Variants in LZTR1 observed in about 807,000 individuals in gnomAD.
LZTR1 encodes leucine-zipper-like transcriptional regulator 1.
Under a neutral mutation model 105.7 loss-of-function variants are expected in LZTR1, and 260 were observed. The observed-to-expected ratio is 2.46, with a 90% confidence interval of 2.22 to 2.72. The LOEUF is 2.72. Among genes scored for constraint, LZTR1 ranks in the 30% most tolerant of loss-of-function variants. The pLI, the probability that LZTR1 is intolerant of heterozygous loss-of-function variation, is 0.00. For missense variants in LZTR1, 1,214 were observed against 1,166.9 expected (o/e 1.04, Z -0.59); for synonymous variants, 490 against 476.4 (o/e 1.03, Z -0.37).
intron 16 of LZTR1, 26 bp downstream of exon 16, chr22:20,995,052 G>C (rs780808652): frequency 1.3e-6 from 2 of 1,590,888 alleles, no homozygotes; most frequent in South Asian, 1.1e-5. Context: ...CCCCTTCCCT[G>C]GGGGCTGGGA....
At chr22:20,993,200 A>G in intron 11 of LZTR1, 1 of 451,818 alleles carries the variant, frequency 2.2e-6, no homozygotes, top group Non-Finnish European at 4.0e-6. Flanking sequence ...AGCCTGGCCC[A>G]GGGCAGAGCC....
intron 20 of LZTR1, 39 bp from the exon 21 acceptor site, chr22:20,997,193 G>C (rs1601724051): frequency 2.9e-6 from 4 of 1,396,794 alleles, no homozygotes; most frequent in Non-Finnish European, 4.1e-6. Flanking sequence ...CCCTTAGGTG[G>C]ATCTGGTCCC....
intron 16 of LZTR1, 200 bp downstream of exon 16, chr22:20,995,226 C>A: frequency 1.4e-6 from 1 of 710,898 alleles, no homozygotes; most frequent in Non-Finnish European, 2.5e-6. Flanking sequence ...CCACAGTGGG[C>A]TGTGTCCTGG....
rs558703769 is a variant in LZTR1 at position 20,988,483 on chromosome 22, A to G, written c.510-306A>G. 4.5e-4 allele frequency among the ~76,000 whole-genome samples: 68 copies of G among 152,344 alleles called. 2 individuals carry two copies. The highest frequency in any genetic ancestry group is 2.1e-3 in the South Asian group (10 of 4,830). On this transcript the variant is annotated intron_variant, in intron 5 of 20. Coordinates refer to ENST00000646124, the MANE Select transcript of LZTR1 (RefSeq NM_006767.4). ...AGACCTTGTCACAAAAAAATGTTCA[A>G]TAAGATCCAATGTACTGCTGATGGC... is the stretch of plus-strand genomic sequence containing the variant.
At position 20,994,563 on chromosome 22, in the gene LZTR1, G is replaced by A. The variant is rs1009167232; in HGVS notation, c.1621G>A (p.Val541Met). The A allele has an allele frequency of 1.9e-6, 3 of 1,609,708 alleles. No individual in the cohort carries two copies. The highest frequency in any genetic ancestry group is 2.2e-5 in the East Asian group (1 of 44,882). Residue 541 changes from valine (V) to methionine (M), a missense_variant, in exon 15 of 21, where the codon GTG (valine) becomes ATG (methionine). Transcript: ENST00000646124. The part of the protein sequence containing the change: ...DKIKYPRKGH[V>M]EDVLLIMDVY... The stretch of plus-strand genomic sequence containing the variant: ...TCGGGGGCTCTGGGGCGCAGGCCAT[G>A]TGGAGGATGTGCTGCTCATCATGGA...
At chr22:20,991,509 C>T (rs1924603272) in intron 8 of LZTR1, 119 bp from the exon 9 acceptor site, 4 of 789,106 alleles carry the variant, frequency 5.1e-6, no homozygotes, top group African/African-American at 1.7e-5. Flanking sequence ...CCTCTGGACC[C>T]TGGGCTAGTC....
chr22:20,993,576 G>C (rs572964346), intron 11 of LZTR1, 86 bp from the exon 12 acceptor site: 2 of 1,146,438 alleles, frequency 1.7e-6, no homozygotes, highest in South Asian at 2.6e-5. Context: ...CATGGGCCAG[G>C]TGGGGACCTC....
In LZTR1 at chr22:20,988,107, A is replaced by T; in HGVS notation, c.498A>T (p.Lys166Asn). ...KFATGQWTEW[K>N]IEGRLPVARS... ...CAACTGGCCAGTGGACGGAGTGGAA[A>T]ATTGAAGGACGGTGAGAAACTTTGC... is the stretch of plus-strand genomic sequence containing the variant. The change falls in exon 5 of 21, where the codon AAA becomes AAT. Residue 166 changes from lysine to asparagine, a missense_variant. By Grantham distance (94) the Lys-to-Asn change is moderately conservative. Coordinates refer to ENST00000646124, the MANE Select transcript of LZTR1 (RefSeq NM_006767.4). 1 of 1,608,116 alleles carries T rather than the reference A, an allele frequency of 6.2e-7. No individual in the cohort carries two copies. Among genetic ancestry groups the T allele is most frequent in the East Asian group, 2.2e-5 (1 of 44,866 alleles).
rs752239353 is a variant in LZTR1 at position 20,997,296 on chromosome 22, T to C, written c.2471T>C (p.Leu824Pro). 3.1e-6 allele frequency: 5 copies of C among 1,613,702 alleles called. No homozygotes were observed. Among genetic ancestry groups the C allele is most frequent in the South Asian group, 2.2e-5 (2 of 91,086 alleles). ...CTGCTGCTGGACATCATAGACTCCC[T>C]GGCCTCCCACATCTCAGACAAGCAG... ...QQLLLDIIDS[L>P]ASHISDKQCA... The change falls in exon 21 of 21, where the codon CTG (leucine) becomes CCG (proline). Residue 824 changes from leucine (L) to proline (P), a missense_variant. By Grantham distance (98) the Leu-to-Pro change is moderately conservative. Transcript: ENST00000646124.
In LZTR1 at chr22:20,989,536, C is replaced by G. The variant is rs7511138; in HGVS notation, c.594-89C>G. On this transcript the variant is annotated intron_variant, in intron 6 of 20. Coordinates refer to ENST00000646124, the MANE Select transcript of LZTR1 (RefSeq NM_006767.4). ...TCTCCTACCCTGTGTGGGGGTGGGG[C>G]TCCTCCCTGCAGCCATCCCTTCCAG... 59 of 1,051,830 alleles carry G rather than the reference C, an allele frequency of 5.6e-5. No individual in the cohort carries two copies. In the African/African-American group the frequency reaches 7.0e-4, roughly 12 times the overall value. 65.2% of individuals were successfully genotyped at this position (1,051,830 alleles called of 1,614,324 possible).
At chr22:20,984,597 C>A (rs982493045) in intron 2 of LZTR1, among the ~76,000 whole-genome samples, 4 of 40,080 alleles carry the variant, frequency 1.0e-4, no homozygotes, top group African/African-American at 3.2e-4. Flanking sequence ...TCCTGCGGCA[C>A]GTGGGGCAAG....
chr22:20,993,512 G>T, intron 11 of LZTR1, 150 bp from the exon 12 acceptor site: 1 of 629,872 alleles, frequency 1.6e-6, no homozygotes, highest in South Asian at 1.8e-5. Context: ...GTGGGGTAGC[G>T]GCTGCTTCCT....
At chr22:20,994,833 T>G (rs1232087134) in intron 15 of LZTR1, 37 bp from the exon 16 acceptor site, 1 of 1,611,620 alleles carries the variant, frequency 6.2e-7, no homozygotes, top group African/African-American at 1.3e-5. Context: ...GGGCCCTGGC[T>G]TGACTCTGCC....
rs1924967698 is a variant in LZTR1, at chr22:20,998,538, C to T, written c.*1190C>T. On this transcript the variant is annotated 3_prime_UTR_variant, in exon 21 of 21. Transcript: ENST00000646124. The stretch of plus-strand genomic sequence containing the variant: ...CACAGCTCCTTGGGGAAGTGACCTG[C>T]TCTCCTTTGGGTGTATGCAGGTGTG... 6.6e-6 allele frequency: 1 copy of T among 152,316 alleles called. No homozygotes were observed. The highest frequency in any genetic ancestry group is 2.1e-4 in the South Asian group (1 of 4,836). 9.4% of individuals were successfully genotyped at this position (152,316 alleles called of 1,614,324 possible).
intron 3 of LZTR1, 51 bp from the exon 4 acceptor site, chr22:20,987,453 G>A: frequency 9.7e-7 from 1 of 1,035,136 alleles, no homozygotes; most frequent in Middle Eastern, 2.0e-4. Flanking sequence ...TGGGGGTGTG[G>A]ACCTCATGGG....
Position 20,989,619 on chromosome 22 carries a change from A to C in LZTR1, c.594-6A>C. On this transcript the variant is annotated splice_region_variant and splice_polypyrimidine_tract_variant and intron_variant, in intron 6 of 20. Transcript: ENST00000646124. ...AAGGGGTCCTCACTGGTCTGTCCTA[A>C]TACAGGTTGAATGACATGTGGACAA... 1 of 1,613,444 alleles carries C rather than the reference A, an allele frequency of 6.2e-7. No homozygotes were observed. Among genetic ancestry groups the C allele is most frequent in the Non-Finnish European group, 8.5e-7 (1 of 1,179,658 alleles).
intron 2 of LZTR1, among the ~76,000 whole-genome samples, chr22:20,983,306 GGT>G (rs1924266897): frequency 1.3e-5 from 2 of 152,192 alleles, no homozygotes; most frequent in African/African-American, 4.8e-5. Flanking sequence ...GCTTCCAGTG[GGT>G]GGCACATGCT....
At chr22:20,997,099 C>A in intron 20 of LZTR1, 133 bp downstream of exon 20, 1 of 1,125,554 alleles carries the variant, frequency 8.9e-7, no homozygotes. Flanking sequence ...AGCAGCCCAT[C>A]ACTGGCCGCA....
intron 5 of LZTR1, 68 bp from the exon 6 acceptor site, chr22:20,988,721 C>T (rs1258999415): frequency 8.4e-7 from 1 of 1,188,758 alleles, no homozygotes; most frequent in Non-Finnish European, 1.3e-6. Flanking sequence ...GCACTGACCA[C>T]ATGGGGCTGG....
Sources: allele counts gnomAD v4.1 joint callset (sites outside exome capture counted in the v4.1 genomes callset), GRCh38; gene constraint gnomAD v4.1.1; transcripts MANE v1.5; gene names NCBI Gene and HGNC (gene_info 2026-07-23, HGNC 2026-07-21).